The following PATJ variants were observed in gnomAD, a reference collection of about 807,000 sequenced individuals.
The protein encoded by PATJ is inaD-like protein.
PATJ carries 190 observed loss-of-function variants against 224.9 expected under a neutral mutation model. The observed-to-expected ratio is 0.84, with a 90% confidence interval of 0.75 to 0.95. PATJ has a LOEUF of 0.95. PATJ is among the 40% of genes least tolerant of loss of function. The pLI, the probability that PATJ is intolerant of heterozygous loss-of-function variation, is 0.00. For missense variants in PATJ, 2,121 were observed against 2,270.3 expected (o/e 0.93, Z 1.34); for synonymous variants, 769 against 820.3 (o/e 0.94, Z 1.07).
chr1:62,000,354 C>G lies in PATJ; in HGVS notation c.3867+9990C>G, dbSNP rs1442922204. Among the ~76,000 whole-genome samples the G allele has an allele frequency of 1.2e-4, 15 of 121,790 alleles. No homozygotes were observed. The South Asian group carries it at 2.0e-3, about 17-fold the overall frequency. The allele number at this position is 121,790 out of a possible 152,430, so 79.9% of individuals were successfully genotyped here. The stretch of plus-strand genomic sequence containing the variant: ...TAATGCTATGCCTCCCCCCTCCCCC[C>G]ACCCCACAACAGTCCCCAGAGTGTG... On this transcript the variant is annotated intron_variant, in intron 28 of 43. Coordinates refer to ENST00000642238, the MANE Select transcript of PATJ (RefSeq NM_001350145.3).
chr1:61,793,993 C>T (rs12124068), intron 9 of PATJ, among the ~76,000 whole-genome samples: 148,798 of 148,800 alleles, frequency 1, 74,398 homozygotes, highest in Middle Eastern at 1. Flanking sequence ...ACCTCCATCT[C>T]CCAGGTTCAA....
chr1:62,085,126 G>A (rs922325976), intron 33 of PATJ, among the ~76,000 whole-genome samples: 4 of 152,172 alleles, frequency 2.6e-5, no homozygotes, highest in African/African-American at 7.2e-5. Context: ...GCTGGGCATG[G>A]TGGTGCACAC....
chr1:61,889,590 T>G (rs1669310687), intron 22 of PATJ, among the ~76,000 whole-genome samples: 1 of 152,166 alleles, frequency 6.6e-6, no homozygotes, highest in African/African-American at 2.4e-5. Flanking sequence ...CAACAATAAC[T>G]GGTAATCAAA....
chr1:61,861,285 T>TTTTTTTTTG, intron 18 of PATJ, among the ~76,000 whole-genome samples: 1 of 67,296 alleles, frequency 1.5e-5, no homozygotes, highest in Non-Finnish European at 2.9e-5. Context: ...TCTTTCTTTC[T>TTTTTTTTTG]TTTTTTTTTT....
intron 16 of PATJ, among the ~76,000 whole-genome samples, chr1:61,832,169 T>C (rs1659451958): frequency 6.6e-6 from 1 of 152,084 alleles, no homozygotes; most frequent in Non-Finnish European, 1.5e-5. Context: ...CGCTGGGGCC[T>C]ACTTGGGGGT....
rs2148366229 is a variant in PATJ, at chr1:61,771,615, C to G, written c.709C>G (p.Leu237Val). ...STSSSLNDTTLPETVCWGHVE... is the reference protein window; with the variant it reads ...STSSSLNDTTVPETVCWGHVE... ...TTCTAGCAGCCTAAATGATACAACT[C>G]TGCCTGAAACAGTGAGTTGCAAATT... Residue 237 changes from leucine (L) to valine (V), a missense_variant, in exon 6 of 44, where the codon CTG becomes GTG. Transcript: ENST00000642238. 1 of 1,576,270 alleles carries G rather than the reference C, an allele frequency of 6.3e-7. No homozygotes were observed. The highest frequency in any genetic ancestry group is 8.6e-7 in the Non-Finnish European group (1 of 1,167,072).
At chr1:62,125,785 C>T (rs1665658072) in intron 39 of PATJ, among the ~76,000 whole-genome samples, 1 of 151,048 alleles carries the variant, frequency 6.6e-6, no homozygotes, top group African/African-American at 2.4e-5. Flanking sequence ...CTTTTTTTTT[C>T]CTGAGACAGA....
At chr1:61,838,355 T>C (rs929730424) in intron 17 of PATJ, among the ~76,000 whole-genome samples, 1 of 151,608 alleles carries the variant, frequency 6.6e-6, no homozygotes, top group Admixed American at 6.6e-5. Flanking sequence ...CTGAGTACTC[T>C]GTTTCTTTTT....
In PATJ at chr1:61,886,819, C is replaced by CAAAAA. The variant is rs35950461; in HGVS notation, c.3131+2419_3131+2423dup. Reference sequence around the variant, plus strand: ...TGGGCAACAGAGCAAGACCCCATCTCAAAAAAAAAAAATTAGCCTGTTGTG... The same window carrying CAAAAA: ...TGGGCAACAGAGCAAGACCCCATCTCAAAAAAAAAAAAAAAAATTAGCCTGTTGTG... On this transcript the variant is annotated intron_variant, in intron 22 of 43. Coordinates refer to ENST00000642238, the MANE Select transcript of PATJ (RefSeq NM_001350145.3). Among the ~76,000 whole-genome samples, 176 of 87,400 alleles carry CAAAAA rather than the reference C, an allele frequency of 2.0e-3. 69 individuals are homozygous for CAAAAA. Among genetic ancestry groups the CAAAAA allele is most frequent in the Non-Finnish European group, 3.5e-3 (130 of 37,320 alleles). 57.3% of individuals were successfully genotyped at this position (87,400 alleles called of 152,430 possible).
chr1:61,869,207 C>G (rs1023317980), intron 20 of PATJ, among the ~76,000 whole-genome samples: 2 of 145,938 alleles, frequency 1.4e-5, no homozygotes. Context: ...CCCGGGTTCA[C>G]GCCATTCTCC....
At chr1:62,155,628 G>A (rs1475642216) in intron 43 of PATJ, among the ~76,000 whole-genome samples, 2 of 148,376 alleles carry the variant, frequency 1.3e-5, no homozygotes, top group African/African-American at 2.5e-5. Flanking sequence ...AATAGATATT[G>A]AATATTCTTC....
At chr1:61,841,040 G>C (rs1046152860) in intron 17 of PATJ, among the ~76,000 whole-genome samples, 1 of 152,042 alleles carries the variant, frequency 6.6e-6, no homozygotes, top group Non-Finnish European at 1.5e-5. Context: ...TATCAATTTT[G>C]TTTCAACTTT....
intron 16 of PATJ, among the ~76,000 whole-genome samples, chr1:61,828,758 C>G (rs2185136): frequency 0.061 from 9,214 of 152,184 alleles, 348 homozygotes; most frequent in South Asian, 0.12. Flanking sequence ...ATGCTACTTT[C>G]CCCCCTTTTC....
chr1:62,091,479 T>G (rs1046952473), intron 33 of PATJ, among the ~76,000 whole-genome samples: 1 of 152,248 alleles, frequency 6.6e-6, no homozygotes, highest in Non-Finnish European at 1.5e-5. Context: ...CTATTTAAAC[T>G]GAGTTCAGTT....
intron 27 of PATJ, among the ~76,000 whole-genome samples, chr1:61,982,476 A>C (rs375876110): frequency 6.6e-6 from 1 of 152,126 alleles, no homozygotes; most frequent in South Asian, 2.1e-4. Flanking sequence ...TCTGAGTATC[A>C]GTCAGTTCAT....
intron 27 of PATJ, among the ~76,000 whole-genome samples, chr1:61,943,056 A>G (rs1316346613): frequency 2.6e-5 from 4 of 152,206 alleles, no homozygotes; most frequent in African/African-American, 9.6e-5. Flanking sequence ...GTATATCCAT[A>G]CAGTGGAATA....
chr1:62,112,129 A>G (rs1203164111), intron 34 of PATJ, among the ~76,000 whole-genome samples: 1 of 152,176 alleles, frequency 6.6e-6, no homozygotes, highest in Non-Finnish European at 1.5e-5. Flanking sequence ...CACCTTCTCC[A>G]AGAAGGGTTC....
At chr1:61,981,673 CT>C (rs775417916) in intron 27 of PATJ, among the ~76,000 whole-genome samples, 379 of 138,440 alleles carry the variant, frequency 2.7e-3, no homozygotes, top group Admixed American at 2.8e-3. Flanking sequence ...TGTTGTGATT[CT>C]TTTTTTTTTT....
chr1:61,984,931 G>A (rs1347328506), intron 27 of PATJ, among the ~76,000 whole-genome samples: 1 of 151,980 alleles, frequency 6.6e-6, no homozygotes, highest in Non-Finnish European at 1.5e-5. Flanking sequence ...TCACAAGCCT[G>A]GCATGAATTT....
Sources: allele counts gnomAD v4.1 joint callset (sites outside exome capture counted in the v4.1 genomes callset), GRCh38; gene constraint gnomAD v4.1.1; transcripts MANE v1.5; gene names NCBI Gene and HGNC (gene_info 2026-07-23, HGNC 2026-07-21).